PKHD1L1: variants seen among roughly 807,000 people sequenced by gnomAD.
PKHD1L1 encodes PKHD1 like 1.
In PKHD1L1, 434 loss-of-function variants were observed where a neutral mutation model predicts 462.9. The observed-to-expected ratio is 0.94, with a 90% CI of 0.87 to 1.02. PKHD1L1 has a LOEUF of 1.02. Ranked by LOEUF, PKHD1L1 falls within the 50% of genes least tolerant of loss-of-function variation. The pLI is 0.00. For synonymous variants in PKHD1L1, 1,781 were observed against 1,750.0 expected, an observed-to-expected ratio of 1.02 and a Z score of -0.44; for missense variants, 5,202 against 5,096.1, an observed-to-expected ratio of 1.02 and a Z score of -0.63.
At chr8:109,418,535 G>A (rs534626947) in intron 21 of PKHD1L1, among the ~76,000 whole-genome samples, 1 of 152,182 alleles carries the variant, frequency 6.6e-6, no homozygotes, top group Non-Finnish European at 1.5e-5. Flanking sequence ...TTCCAATGCA[G>A]TTATGATTTA....
chr8:109,431,531 A>AACAC (rs1002841492), intron 27 of PKHD1L1, among the ~76,000 whole-genome samples: 5 of 151,238 alleles, frequency 3.3e-5, no homozygotes, highest in South Asian at 4.2e-4. Flanking sequence ...TTTTGTATAT[A>AACAC]ACACACACAC....
chr8:109,436,499 T>C (rs1051743622), intron 30 of PKHD1L1, 40 bp downstream of exon 30: 1 of 1,603,634 alleles, frequency 6.2e-7, no homozygotes, highest in African/African-American at 1.3e-5. Context: ...CTCCTAAGTC[T>C]GAAATCTTAT....
Position 109,465,215 on chromosome 8 carries a change from G to T in PKHD1L1, c.8383G>T (p.Val2795Leu). The T allele has an allele frequency of 6.2e-7, 1 of 1,613,472 alleles. No individual in the cohort carries two copies. Among genetic ancestry groups the T allele is most frequent in the Non-Finnish European group, 8.5e-7 (1 of 1,179,628 alleles). The stretch of plus-strand genomic sequence containing the variant: ...TGGCTTTCGCTGGGAACATGAAATG[G>T]TAATGATTGATGTTGATGGCTCACT... Reference protein sequence around the residue: ...KAGFRWEHEMVMIDVDGSLTG... With the variant: ...KAGFRWEHEMLMIDVDGSLTG... The change falls in exon 49 of 78, where the codon GTA becomes TTA. Residue 2795 changes from valine to leucine, a missense_variant. By Grantham distance (32) the Val-to-Leu change is conservative (BLOSUM62 1). This residue lies in a region of PKHD1L1 where 4,497 missense variants were observed against 4,336.8 expected (regional missense o/e 1.04). Coordinates refer to ENST00000378402, the MANE Select transcript of PKHD1L1 (RefSeq NM_177531.6).
chr8:109,515,207 G>A lies in PKHD1L1; in HGVS notation c.11591G>A (p.Arg3864His), dbSNP rs775078524. Residue 3864 changes from arginine to histidine, a missense_variant, in exon 72 of 78, where the codon CGT becomes CAT. Arg to His is a conservative substitution (Grantham distance 29). Coordinates refer to ENST00000378402, the MANE Select transcript of PKHD1L1 (RefSeq NM_177531.6). ...LVGIFFSTLQRLDVYVNNLLV... is the reference protein window; with the variant it reads ...LVGIFFSTLQHLDVYVNNLLV... ...GGAATTTTCTTTTCCACACTTCAACGTTTGGATGTCTATGTGAACAACTTA... is the reference window on the plus strand; with the variant it reads ...GGAATTTTCTTTTCCACACTTCAACATTTGGATGTCTATGTGAACAACTTA... 7.7e-5 allele frequency: 123 copies of A among 1,602,536 alleles called. No individual in the cohort carries two copies. The South Asian group carries it at 1.2e-3, about 16-fold the overall frequency.
intron 31 of PKHD1L1, 55 bp downstream of exon 31, chr8:109,438,511 T>C: frequency 1.4e-6 from 2 of 1,451,076 alleles, no homozygotes; most frequent in African/African-American, 1.5e-5. Context: ...AAAACATTTC[T>C]AGAAAGGCTT....
intron 37 of PKHD1L1, among the ~76,000 whole-genome samples, chr8:109,444,122 C>CA (rs71305950): frequency 6.6e-6 from 1 of 151,356 alleles, no homozygotes; most frequent in Non-Finnish European, 1.5e-5. Flanking sequence ...ACCTCCCCCC[C>CA]CCAAAAAAAA....
chr8:109,534,179 G>T lies in PKHD1L1; in HGVS notation c.*4089G>T, dbSNP rs1821101655. The stretch of plus-strand genomic sequence containing the variant: ...AATGGAAATGCTTCAACTTTAATCT[G>T]AGGCTAGGCGCAGTGGCTCACGCCT... On this transcript the variant is annotated 3_prime_UTR_variant, in exon 78 of 78. Coordinates refer to ENST00000378402, the MANE Select transcript of PKHD1L1 (RefSeq NM_177531.6). 6.6e-6 allele frequency among the ~76,000 whole-genome samples: 1 copy of T among 152,184 alleles called. No individual in the cohort carries two copies. The highest frequency in any genetic ancestry group is 2.4e-5 in the African/African-American group (1 of 41,458).
At chr8:109,460,503 G>A (rs1817062025) in intron 47 of PKHD1L1, among the ~76,000 whole-genome samples, 1 of 152,124 alleles carries the variant, frequency 6.6e-6, no homozygotes, top group South Asian at 2.1e-4. Flanking sequence ...AGTCAGCTCT[G>A]TTGGTATTTT....
chr8:109,418,152 T>C (rs1814280041), intron 21 of PKHD1L1, among the ~76,000 whole-genome samples: 1 of 152,230 alleles, frequency 6.6e-6, no homozygotes, highest in Admixed American at 6.5e-5. Flanking sequence ...TCCTGTTCAG[T>C]ATGCCAAATT....
At chr8:109,503,348 G>T (rs1311438470) in intron 67 of PKHD1L1, among the ~76,000 whole-genome samples, 3 of 152,006 alleles carry the variant, frequency 2.0e-5, no homozygotes, top group Non-Finnish European at 2.9e-5. Flanking sequence ...GCTATGGGTG[G>T]TTTGCAGCCA....
At chr8:109,430,232 A>G (rs1563533047) in intron 27 of PKHD1L1, among the ~76,000 whole-genome samples, 195 bp downstream of exon 27, 1 of 152,198 alleles carries the variant, frequency 6.6e-6, no homozygotes, top group Non-Finnish European at 1.5e-5. Flanking sequence ...ATTTTTGAAA[A>G]AAAAATATTT....
In PKHD1L1 at chr8:109,466,650, G is replaced by A; in HGVS notation, c.8486G>A (p.Trp2829Ter). 1 of 1,610,360 alleles carries A rather than the reference G, an allele frequency of 6.2e-7. No individual in the cohort carries two copies. Among genetic ancestry groups the A allele is most frequent in the Non-Finnish European group, 8.5e-7 (1 of 1,178,244 alleles). The change falls in exon 50 of 78, where the codon TGG becomes TAG. Residue 2829 changes from tryptophan (W) to a stop codon, truncating the protein, a stop_gained. Coordinates refer to ENST00000378402, the MANE Select transcript of PKHD1L1 (RefSeq NM_177531.6). LOFTEE classifies it high-confidence loss of function. ...TCTCATTGTACTCAGGAAGCTGAGT[G>A]GAGCATTGGGTTCCCTGGATCAGTC... ...DPSHCTQEAEWSIGFPGSVCD... is the reference protein window; with the variant it reads ...DPSHCTQEAE
At chr8:109,508,851 G>A (rs1333467347) in intron 70 of PKHD1L1, among the ~76,000 whole-genome samples, 1 of 152,092 alleles carries the variant, frequency 6.6e-6, no homozygotes, top group African/African-American at 2.4e-5. Flanking sequence ...GAGAAGGAAG[G>A]TAATGGCCTC....
Position 109,381,417 on chromosome 8 carries a change from T to G in PKHD1L1, c.211T>G (p.Leu71Val), listed in dbSNP as rs746864588. The G allele has an allele frequency of 1.9e-6, 3 of 1,583,640 alleles. No homozygotes were observed. The highest frequency in any genetic ancestry group is 2.6e-6 in the Non-Finnish European group (3 of 1,163,106). Residue 71 changes from leucine to valine, a missense_variant, in exon 3 of 78, where the codon TTG becomes GTG. Leu to Val is a conservative substitution (Grantham distance 32). Around this residue, in one of 3 missense-constraint regions of PKHD1L1, gnomAD observed 4,497 missense variants for 4,336.8 expected, o/e 1.04. Transcript: ENST00000378402. Reference protein sequence around the residue: ...QFNYGVDNAELGNSVQLISSF... With the variant: ...QFNYGVDNAEVGNSVQLISSF... ...TAACTATGGAGTTGATAACGCTGAG[T>G]TGGGAAACAGTGTGCAATTAATTTC...
chr8:109,523,325 TACA>T lies in PKHD1L1; in HGVS notation c.12428_12430del (p.Thr4143del), dbSNP rs1820653311. The T allele has an allele frequency of 1.2e-6, 2 of 1,612,912 alleles. No homozygotes were observed. The highest frequency in any genetic ancestry group is 1.1e-5 in the South Asian group (1 of 91,050). ...ACCAAGTCAATGGCCTTAGTGGAAA[TACA>T]ACAATTCCGTTTAGCAGCTGTTGGG... On this transcript the variant is annotated inframe_deletion, in exon 76 of 78. Transcript: ENST00000378402.
At chr8:109,436,243 T>C (rs1815399593) in intron 29 of PKHD1L1, 95 bp from the exon 30 acceptor site, 2 of 1,303,590 alleles carry the variant, frequency 1.5e-6, no homozygotes, top group Non-Finnish European at 2.1e-6. Context: ...CATTAGACTA[T>C]TCTCAAAAGA....
At chr8:109,429,492 A>G (rs1814965474) in intron 26 of PKHD1L1, 30 bp downstream of exon 26, 1 of 1,582,656 alleles carries the variant, frequency 6.3e-7, no homozygotes, top group Non-Finnish European at 8.6e-7. Flanking sequence ...CATGATGCTT[A>G]ATGTAATTTT....
In PKHD1L1 at chr8:109,518,352, G is replaced by C; in HGVS notation, c.11875G>C (p.Val3959Leu). The change falls in exon 73 of 78, where the codon GTT (valine) becomes CTT (leucine). Residue 3959 changes from valine to leucine, a missense_variant. Physicochemically the swap from Val to Leu is conservative, Grantham distance 32. Transcript: ENST00000378402. ...EDDFYTSHNL[V>L]KNLALFLKIP... ...TGACTTTTATACCTCTCACAATCTG[G>C]TTAAAAATCTTGCCTTGTTCCTAAA... 6.2e-7 allele frequency: 1 copy of C among 1,613,340 alleles called. No individual in the cohort carries two copies. Among genetic ancestry groups the C allele is most frequent in the Non-Finnish European group, 8.5e-7 (1 of 1,179,552 alleles).
rs1812577174 is a variant in PKHD1L1, at chr8:109,389,059, A to G, written c.624-20A>G. The G allele has an allele frequency of 1.3e-6, 2 of 1,528,346 alleles. No homozygotes were observed. The highest frequency in any genetic ancestry group is 1.8e-5 in the Admixed American group (1 of 56,096). The allele number at this position is 1,528,346 out of a possible 1,614,324, so 94.7% of individuals were successfully genotyped here. A position where few individuals can be genotyped will look rare whatever the true frequency, so the allele number is the denominator to read the frequency against. On this transcript the variant is annotated intron_variant, in intron 7 of 77. Coordinates refer to ENST00000378402, the MANE Select transcript of PKHD1L1 (RefSeq NM_177531.6). ...TTTTAGTGTCTATATAAGCTTTGACATTAACTTTTTTTTAATTAGATATGG... is the reference window on the plus strand; with the variant it reads ...TTTTAGTGTCTATATAAGCTTTGACGTTAACTTTTTTTTAATTAGATATGG...
Sources: gnomAD v4.1 joint callset for allele counts (sites outside exome capture counted in the v4.1 genomes callset) on GRCh38, gnomAD v4.1.1 for gene constraint, gnomAD v4.1.1 regional missense constraint, MANE v1.5 for transcripts, NCBI Gene and HGNC (gene_info 2026-07-23, HGNC 2026-07-21) for gene names.